Variants in CCDC60 observed in about 807,000 individuals in gnomAD.
CCDC60 encodes coiled-coil domain-containing protein 60.
In CCDC60, 54 loss-of-function variants were observed where a neutral mutation model predicts 63.5. The ratio of observed to expected loss-of-function variants is 0.85; its 90% CI spans 0.68 to 1.07. The LOEUF (loss-of-function observed/expected upper bound fraction) is 1.07, where lower values mean the gene tolerates loss of function less well. Ranked by LOEUF, CCDC60 falls within the 50% of genes least tolerant of loss-of-function variation. The pLI is 0.00. For synonymous variants in CCDC60, 206 were observed against 238.8 expected (o/e 0.86, Z 1.27); for missense variants, 651 against 684.3 (o/e 0.95, Z 0.54).
At chr12:119,434,056 A>C (rs1181199436) in intron 2 of CCDC60, among the ~76,000 whole-genome samples, 3 of 152,222 alleles carry the variant, frequency 2.0e-5, no homozygotes, top group African/African-American at 7.2e-5. Context: ...AAACAACTGC[A>C]ATGTTGAACA....
In CCDC60 at chr12:119,404,062, C is replaced by T. The variant is rs571051876; in HGVS notation, c.91-24621C>T. ...CAGCACTTTTGGAGGCCGAGGTGGG[C>T]AGATCACTTGAGGTCAGGAGTTCGA... On this transcript the variant is annotated intron_variant, in intron 1 of 13. Coordinates refer to ENST00000327554, the MANE Select transcript of CCDC60 (RefSeq NM_178499.5). Among the ~76,000 whole-genome samples the T allele has an allele frequency of 2.6e-3, 389 of 152,192 alleles. 3 individuals carry two copies. The highest frequency in any genetic ancestry group is 8.9e-3 in the African/African-American group (368 of 41,510).
chr12:119,352,004 T>C (rs778554228), intron 1 of CCDC60, among the ~76,000 whole-genome samples: 5 of 152,182 alleles, frequency 3.3e-5, no homozygotes, highest in Non-Finnish European at 5.9e-5. Flanking sequence ...CTGAGATTAA[T>C]TTATGAGGAA....
intron 2 of CCDC60, among the ~76,000 whole-genome samples, chr12:119,454,475 T>G (rs1950689530): frequency 6.6e-6 from 1 of 152,158 alleles, no homozygotes; most frequent in African/African-American, 2.4e-5. Context: ...TGTTGCCTAT[T>G]TACCAGCTGC....
intron 11 of CCDC60, 66 bp downstream of exon 11, chr12:119,523,884 G>A (rs1019137184): frequency 1.8e-4 from 278 of 1,527,010 alleles, no homozygotes; most frequent in Middle Eastern, 8.5e-4. Flanking sequence ...ATGCCTGCCA[G>A]GTGCCAGGTG....
intron 7 of CCDC60, among the ~76,000 whole-genome samples, chr12:119,510,039 G>C (rs1952171537): frequency 6.6e-6 from 1 of 152,096 alleles, no homozygotes; most frequent in Non-Finnish European, 1.5e-5. Flanking sequence ...TGGACTTCTG[G>C]TCTAGAATCT....
intron 2 of CCDC60, among the ~76,000 whole-genome samples, chr12:119,467,654 T>A (rs542143487): frequency 6.6e-6 from 1 of 152,360 alleles, no homozygotes; most frequent in African/African-American, 2.4e-5. Flanking sequence ...ACCCAGTCTA[T>A]GGTATTTTTG....
At chr12:119,482,999 T>C (rs1951359742) in intron 4 of CCDC60, among the ~76,000 whole-genome samples, 1 of 152,148 alleles carries the variant, frequency 6.6e-6, no homozygotes, top group Admixed American at 6.6e-5. Context: ...CCAAAGCCCC[T>C]TGAGGGCAAT....
At chr12:119,360,461 G>A (rs1955772101) in intron 1 of CCDC60, among the ~76,000 whole-genome samples, 2 of 151,588 alleles carry the variant, frequency 1.3e-5, no homozygotes, top group Non-Finnish European at 2.9e-5. Context: ...CAGACGGGGT[G>A]GCTGCCGGGC....
intron 1 of CCDC60, among the ~76,000 whole-genome samples, chr12:119,379,632 A>G (rs908788421): frequency 2.6e-5 from 4 of 152,232 alleles, no homozygotes; most frequent in Admixed American, 2.6e-4. Flanking sequence ...TCTTGAAAGT[A>G]TGTATGGTGA....
Position 119,530,967 on chromosome 12 carries a change from C to G in CCDC60, c.1455C>G (p.Asn485Lys). 6.2e-7 allele frequency: 1 copy of G among 1,614,174 alleles called. No individual in the cohort carries two copies. The highest frequency in any genetic ancestry group is 2.2e-5 in the East Asian group (1 of 44,874). Residue 485 changes from asparagine (N) to lysine (K), a missense_variant, in exon 13 of 14, where the codon AAC (asparagine) becomes AAG (lysine). Asn to Lys is a moderately conservative substitution (Grantham distance 94). Coordinates refer to ENST00000327554, the MANE Select transcript of CCDC60 (RefSeq NM_178499.5). ...TGAAACTGCAGAAGTTTGGAGAAAA[C>G]CTGGACTTGCGGATTCGACCCCATG... The part of the protein sequence containing the change: ...ILVKLQKFGE[N>K]LDLRIRPHVL...
At chr12:119,387,070 ACACACT>A (rs1468472998) in intron 1 of CCDC60, among the ~76,000 whole-genome samples, 2 of 149,302 alleles carry the variant, frequency 1.3e-5, no homozygotes, top group African/African-American at 5.0e-5. Flanking sequence ...ACACACACAC[ACACACT>A]CTCCAATTAA....
chr12:119,513,056 A>C (rs117586710), intron 7 of CCDC60, among the ~76,000 whole-genome samples: 1 of 152,296 alleles, frequency 6.6e-6, no homozygotes, highest in East Asian at 1.9e-4. Context: ...GGACAACCTC[A>C]CACTGTGATG....
intron 5 of CCDC60, 81 bp downstream of exon 5, chr12:119,488,947 C>T (rs1593162981): frequency 8.5e-7 from 1 of 1,171,210 alleles, no homozygotes; most frequent in Non-Finnish European, 1.3e-6. Context: ...TTCTTCCACT[C>T]CCTTTGCTGT....
intron 1 of CCDC60, among the ~76,000 whole-genome samples, chr12:119,423,920 C>T (rs1314983763): frequency 6.6e-6 from 1 of 152,166 alleles, no homozygotes; most frequent in East Asian, 1.9e-4. Flanking sequence ...TGGCATTAAA[C>T]ATTTCTACTT....
Position 119,520,179 on chromosome 12 carries a change from A to G in CCDC60, c.1027A>G (p.Thr343Ala). ...SNSAYKEMQT[T>A]LKSSERSSST... ...TTCTGCTTATAAGGAAATGCAGACC[A>G]CTCTCAAATCAAGGTAGGAAAGCCT... Residue 343 changes from threonine (T) to alanine (A), a missense_variant, in exon 9 of 14, where the codon ACT (threonine) becomes GCT (alanine). By Grantham distance (58) the Thr-to-Ala change is moderately conservative. Coordinates refer to ENST00000327554, the MANE Select transcript of CCDC60 (RefSeq NM_178499.5). 1 of 1,613,552 alleles carries G rather than the reference A, an allele frequency of 6.2e-7. No individual in the cohort carries two copies. The highest frequency in any genetic ancestry group is 8.5e-7 in the Non-Finnish European group (1 of 1,179,792).
intron 1 of CCDC60, among the ~76,000 whole-genome samples, chr12:119,382,141 T>C (rs1474789538): frequency 6.6e-6 from 1 of 152,198 alleles, no homozygotes; most frequent in Non-Finnish European, 1.5e-5. Flanking sequence ...CTGATTTTCA[T>C]GTGCTTTAGC....
At chr12:119,481,174 C>T (rs936011960) in intron 4 of CCDC60, among the ~76,000 whole-genome samples, 10 of 152,154 alleles carry the variant, frequency 6.6e-5, no homozygotes, top group African/African-American at 2.4e-4. Context: ...CCATCCCATC[C>T]CACTGTCCCC....
chr12:119,408,083 T>G (rs1277166636), intron 1 of CCDC60, among the ~76,000 whole-genome samples: 1 of 152,230 alleles, frequency 6.6e-6, no homozygotes. Flanking sequence ...ACATTTTTCT[T>G]GCCAATAGGG....
intron 7 of CCDC60, among the ~76,000 whole-genome samples, chr12:119,507,118 G>A (rs1331371693): frequency 6.6e-6 from 1 of 152,146 alleles, no homozygotes; most frequent in Non-Finnish European, 1.5e-5. Flanking sequence ...AGGCTGGGCT[G>A]AGTGACAAGG....
Sources: allele counts gnomAD v4.1 joint callset (sites outside exome capture counted in the v4.1 genomes callset), GRCh38; gene constraint gnomAD v4.1.1; transcripts MANE v1.5; gene names NCBI Gene and HGNC (gene_info 2026-07-23, HGNC 2026-07-21).